The following PTPN20 variants were observed in gnomAD, a reference collection of about 807,000 sequenced individuals.
PTPN20 encodes protein tyrosine phosphatase non-receptor type 20, also known as tyrosine-protein phosphatase non-receptor type 20.
A neutral mutation model predicts 35.0 loss-of-function variants in PTPN20; 9 were observed. The ratio of observed to expected loss-of-function variants is 0.26; its 90% CI spans 0.15 to 0.45. PTPN20 has a LOEUF of 0.45. PTPN20 is among the 20% of genes least tolerant of loss of function. The pLI is 1.00. For synonymous variants in PTPN20, 32 were observed against 100.2 expected (o/e 0.32, Z 4.06); for missense variants, 111 against 312.5 (o/e 0.36, Z 4.86).
At chr10:46,928,876 A>G (rs1290463892) in intron 1 of PTPN20, among the ~76,000 whole-genome samples, 1 of 82,122 alleles carries the variant, frequency 1.2e-5, no homozygotes, top group Non-Finnish European at 2.2e-5. Flanking sequence ...GACTTCTTTC[A>G]TTCCCTTCTC....
intron 7 of PTPN20, among the ~76,000 whole-genome samples, chr10:46,979,272 C>A (rs1352652100): frequency 9.2e-6 from 1 of 108,590 alleles, no homozygotes; most frequent in African/African-American, 4.9e-5. Flanking sequence ...AAAGCAGGGG[C>A]TTATGGAGGT....
rs2041726296 is a variant in PTPN20, at chr10:46,936,568, C to G, written c.34+4035C>G. ...ATTGAAAACCTTTTGGAAATAACTC[C>G]CCATTCTAGACGCCATTAAGAACAT... On this transcript the variant is annotated intron_variant, in intron 2 of 10. Transcript: ENST00000374339. Among the ~76,000 whole-genome samples, 6 of 151,410 alleles carry G rather than the reference C, an allele frequency of 4.0e-5. No individual in the cohort carries two copies. The South Asian group carries it at 1.3e-3, about 32-fold the overall frequency.
chr10:47,000,908 G>C lies in PTPN20; in HGVS notation c.*167G>C, dbSNP rs1273204746. On this transcript the variant is annotated 3_prime_UTR_variant, in exon 11 of 11. Coordinates refer to ENST00000374339, the MANE Select transcript of PTPN20 (RefSeq NM_001042357.5). ...GCTCCCTGAAGGGCAATATCATTTG[G>C]CTTGGGGTGATCAGTGTTTACTTAT... 5.0e-6 allele frequency: 4 copies of C among 796,724 alleles called. No homozygotes were observed. The highest frequency in any genetic ancestry group is 6.4e-6 in the Non-Finnish European group (3 of 468,124). The allele number at this position is 796,724 out of a possible 1,614,324, so 49.4% of individuals were successfully genotyped here. A position where few individuals can be genotyped will look rare whatever the true frequency, so the allele number is the denominator to read the frequency against.
chr10:46,931,840 G>A (rs1431382701), intron 1 of PTPN20, among the ~76,000 whole-genome samples: 2 of 146,136 alleles, frequency 1.4e-5, no homozygotes, highest in Non-Finnish European at 3.0e-5. Context: ...TAACCAATGG[G>A]AGCAATGTAA....
rs782056216 is a variant in PTPN20 at position 46,954,085 on chromosome 10, G to GT, written c.340+7425dup. Among the ~76,000 whole-genome samples, 495 of 75,630 alleles carry GT rather than the reference G, an allele frequency of 6.5e-3. 81 individuals carry two copies. The highest frequency in any genetic ancestry group is 0.016 in the Middle Eastern group (2 of 124). The allele number at this position is 75,630 out of a possible 152,430, so 49.6% of individuals were successfully genotyped here. ...AAATACATATTTGTGTTAGTTTTTAGTTTTTTTTTTTTTTTGGGGGGGGGT... is the reference window on the plus strand; with the variant it reads ...AAATACATATTTGTGTTAGTTTTTAGTTTTTTTTTTTTTTTTGGGGGGGGGT... On this transcript the variant is annotated intron_variant, in intron 5 of 10. Transcript: ENST00000374339.
intron 5 of PTPN20, among the ~76,000 whole-genome samples, chr10:46,948,114 T>G (rs2045553080): frequency 1.3e-5 from 2 of 152,098 alleles, no homozygotes; most frequent in Non-Finnish European, 2.9e-5. Context: ...TCAACCTTTC[T>G]TCAAGTTTAC....
chr10:46,922,717 G>T (rs1262506285), intron 1 of PTPN20, among the ~76,000 whole-genome samples: 1 of 140,894 alleles, frequency 7.1e-6, no homozygotes, highest in East Asian at 2.0e-4. Flanking sequence ...GTGACTCATG[G>T]ATCCAGACAG....
At chr10:46,942,009 A>C in intron 3 of PTPN20, among the ~76,000 whole-genome samples, 1 of 37,616 alleles carries the variant, frequency 2.7e-5, no homozygotes, top group African/African-American at 1.5e-4. Flanking sequence ...AGACAGGCTA[A>C]TTTATTTTTT....
In PTPN20 at chr10:47,001,660, T is replaced by G. The variant is rs566474420; in HGVS notation, c.*919T>G. On this transcript the variant is annotated 3_prime_UTR_variant, in exon 11 of 11. Coordinates refer to ENST00000374339, the MANE Select transcript of PTPN20 (RefSeq NM_001042357.5). Reference sequence around the variant, plus strand: ...TTTTCAAACTAAGATCTATGATAGTTTTTTTTCCAGAGTTCCATTAAATCA... The same window carrying G: ...TTTTCAAACTAAGATCTATGATAGTGTTTTTTCCAGAGTTCCATTAAATCA... 6.6e-6 allele frequency: 1 copy of G among 152,278 alleles called. No homozygotes were observed. The highest frequency in any genetic ancestry group is 1.9e-4 in the East Asian group (1 of 5,190). 9.4% of individuals were successfully genotyped at this position (152,278 alleles called of 1,614,324 possible). A position where few individuals can be genotyped will look rare whatever the true frequency, so the allele number is the denominator to read the frequency against.
intron 7 of PTPN20, among the ~76,000 whole-genome samples, chr10:46,983,339 A>G (rs2056116236): frequency 6.6e-6 from 1 of 150,944 alleles, no homozygotes; most frequent in Non-Finnish European, 1.5e-5. Context: ...ATGCCTGTTC[A>G]GGTCTTGTCA....
At chr10:46,941,728 A>G (rs2043589765) in intron 3 of PTPN20, among the ~76,000 whole-genome samples, 1 of 150,126 alleles carries the variant, frequency 6.7e-6, no homozygotes, top group South Asian at 2.1e-4. Flanking sequence ...TTTTTTTGCT[A>G]AGTTATAGCT....
chr10:46,995,233 A>G (rs1161842291), intron 9 of PTPN20, among the ~76,000 whole-genome samples: 2 of 148,154 alleles, frequency 1.3e-5, no homozygotes, highest in African/African-American at 5.0e-5. Flanking sequence ...ATGAAGGATT[A>G]GTTATTTATT....
At chr10:46,992,330 C>T (rs1281078862) in intron 9 of PTPN20, among the ~76,000 whole-genome samples, 6 of 152,000 alleles carry the variant, frequency 3.9e-5, no homozygotes, top group African/African-American at 1.2e-4. Flanking sequence ...ACCATGTTGG[C>T]CAGGCAGGTC....
chr10:46,952,762 C>T (rs2047075674), intron 5 of PTPN20, among the ~76,000 whole-genome samples: 1 of 151,814 alleles, frequency 6.6e-6, no homozygotes, highest in Non-Finnish European at 1.5e-5. Flanking sequence ...CTTGACACAC[C>T]CTAGAGGATC....
Position 47,002,001 on chromosome 10 carries a change from C to A in PTPN20, c.*1260C>A, listed in dbSNP as rs1039021076. 2.0e-5 allele frequency: 3 copies of A among 152,026 alleles called. No individual in the cohort carries two copies. Among genetic ancestry groups the A allele is most frequent in the Non-Finnish European group, 4.4e-5 (3 of 67,944 alleles). The allele number at this position is 152,026 out of a possible 1,614,324, so 9.4% of individuals were successfully genotyped here. A position where few individuals can be genotyped will look rare whatever the true frequency, so the allele number is the denominator to read the frequency against. ...TATTGAGAAAATGTTTAATATCAAT[C>A]TATAAATCTTGAATTTCTAAGAGGC... is the stretch of plus-strand genomic sequence containing the variant. On this transcript the variant is annotated 3_prime_UTR_variant, in exon 11 of 11. Transcript: ENST00000374339.
Position 46,999,976 on chromosome 10 carries a change from T to G in PTPN20, c.1197+2T>G. 6.2e-7 allele frequency: 1 copy of G among 1,613,744 alleles called. No homozygotes were observed. Reference sequence around the variant, plus strand: ...CGTTCTGGCATGGTTCAAACGAAGGTAAGCTTTCACCACATACATAATAAT... The same window carrying G: ...CGTTCTGGCATGGTTCAAACGAAGGGAAGCTTTCACCACATACATAATAAT... On this transcript the variant is annotated splice_donor_variant, in intron 10 of 10. Transcript: ENST00000374339. LOFTEE classifies it high-confidence loss of function.
chr10:46,980,020 G>A (rs2054862894), intron 7 of PTPN20, among the ~76,000 whole-genome samples: 1 of 150,596 alleles, frequency 6.6e-6, no homozygotes, highest in Admixed American at 6.6e-5. Flanking sequence ...ACAAGAAGTA[G>A]CAAATGCTTT....
rs1307202364 is a variant in PTPN20, at chr10:46,911,517, T to C, written c.-124+16T>C. The stretch of plus-strand genomic sequence containing the variant: ...GCAGGCCCAGGTGAGGAAAGGTGGC[T>C]GGGGGCCAGGTGGGCAGGGGGCGTG... On this transcript the variant is annotated intron_variant, in intron 1 of 10. Transcript: ENST00000374339. 3 of 189,252 alleles carry C rather than the reference T, an allele frequency of 1.6e-5. No homozygotes were observed. The highest frequency in any genetic ancestry group is 3.1e-5 in the Non-Finnish European group (3 of 96,690). The allele number at this position is 189,252 out of a possible 1,614,324, so 11.7% of individuals were successfully genotyped here. A position where few individuals can be genotyped will look rare whatever the true frequency, so the allele number is the denominator to read the frequency against.
At chr10:46,992,333 G>T in intron 9 of PTPN20, among the ~76,000 whole-genome samples, 1 of 152,090 alleles carries the variant, frequency 6.6e-6, no homozygotes, top group Non-Finnish European at 1.5e-5. Context: ...ATGTTGGCCA[G>T]GCAGGTCTCA....
Sources: gnomAD v4.1 joint callset for allele counts (sites outside exome capture counted in the v4.1 genomes callset) on GRCh38, gnomAD v4.1.1 for gene constraint, MANE v1.5 for transcripts, NCBI Gene and HGNC (gene_info 2026-07-23, HGNC 2026-07-21) for gene names.